XRCC6: variants seen among roughly 807,000 people sequenced by gnomAD.
XRCC6 encodes the protein X-ray repair cross complementing 6.
Under a neutral mutation model 65.7 loss-of-function variants are expected in XRCC6, and 5 were observed. The observed-to-expected ratio is 0.08, with a 90% CI of 0.04 to 0.16. The LOEUF (loss-of-function observed/expected upper bound fraction) is 0.16, where lower values mean the gene tolerates loss of function less well. Among genes scored for constraint, XRCC6 ranks in the 10% least tolerant of loss-of-function variants. The pLI is 1.00. For missense variants in XRCC6, 447 were observed against 738.1 expected, an observed-to-expected ratio of 0.61 and a Z score of 4.57; for synonymous variants, 270 against 270.6, an observed-to-expected ratio of 1.00 and a Z score of 0.02.
chr22:41,645,735 C>T (rs1245002054), intron 6 of XRCC6, among the ~76,000 whole-genome samples: 23 of 144,014 alleles, frequency 1.6e-4, no homozygotes, highest in Non-Finnish European at 2.8e-4. Context: ...CTCGCTCTGT[C>T]GCTAGGCTGG....
chr22:41,653,623 T>G lies in XRCC6; in HGVS notation c.1224T>G (p.Pro408=), dbSNP rs770161408. ...CRYTPRRNIP[P]YFVALVPQEE... ...ACACACCCCGCAGGAACATCCCTCCTTATTTTGTGGCTTTGGTGCCACAGG... is the reference window on the plus strand; with the variant it reads ...ACACACCCCGCAGGAACATCCCTCCGTATTTTGTGGCTTTGGTGCCACAGG... Residue 408 remains proline (P), a synonymous_variant, in exon 9 of 13, where the codon CCT becomes CCG. Transcript: ENST00000360079. 1.9e-5 allele frequency: 30 copies of G among 1,613,972 alleles called. No individual in the cohort carries two copies. Among genetic ancestry groups the G allele is most frequent in the Non-Finnish European group, 2.5e-5 (29 of 1,180,006 alleles).
chr22:41,636,849 G>A, intron 5 of XRCC6, 79 bp downstream of exon 5: 1 of 1,507,374 alleles, frequency 6.6e-7, no homozygotes, highest in South Asian at 1.4e-5. Context: ...GAGTTCAGGA[G>A]TCTTGGCTCA....
intron 2 of XRCC6, among the ~76,000 whole-genome samples, chr22:41,626,049 A>G (rs1376442359): frequency 6.6e-6 from 1 of 151,886 alleles, no homozygotes; most frequent in Non-Finnish European, 1.5e-5. Context: ...CATGTTGTCC[A>G]GGATGGTCTC....
intron 2 of XRCC6, among the ~76,000 whole-genome samples, chr22:41,625,789 A>G (rs2067663211): frequency 6.6e-6 from 1 of 152,212 alleles, no homozygotes; most frequent in African/African-American, 2.4e-5. Flanking sequence ...TGATTGCGCC[A>G]CTGCATTCCA....
intron 3 of XRCC6, among the ~76,000 whole-genome samples, chr22:41,635,524 T>C (rs899725392): frequency 2.6e-5 from 4 of 152,088 alleles, no homozygotes; most frequent in African/African-American, 7.2e-5. Context: ...CATAGCACAA[T>C]TTCCTCCCTC....
At chr22:41,644,988 C>A (rs562546130) in intron 6 of XRCC6, among the ~76,000 whole-genome samples, 48 of 152,082 alleles carry the variant, frequency 3.2e-4, no homozygotes, top group African/African-American at 1.1e-3. Flanking sequence ...TAATAAGGTT[C>A]TTGAGTGGCA....
At chr22:41,647,734 G>A (rs185577156) in intron 7 of XRCC6, among the ~76,000 whole-genome samples, 200 of 151,956 alleles carry the variant, frequency 1.3e-3, no homozygotes, top group African/African-American at 4.6e-3. Flanking sequence ...TTTTTGTTTC[G>A]TTTTGTTTTG....
At chr22:41,638,513 G>A (rs937087554) in intron 6 of XRCC6, among the ~76,000 whole-genome samples, 1 of 152,034 alleles carries the variant, frequency 6.6e-6, no homozygotes, top group Non-Finnish European at 1.5e-5. Flanking sequence ...GGCCAGACAC[G>A]GTGGCTCACG....
chr22:41,640,676 A>G (rs1020662993), intron 6 of XRCC6, among the ~76,000 whole-genome samples: 11 of 152,170 alleles, frequency 7.2e-5, no homozygotes, highest in Non-Finnish European at 1.5e-4. Flanking sequence ...TCATTGCCAC[A>G]GTTGTAGTTT....
intron 3 of XRCC6, among the ~76,000 whole-genome samples, chr22:41,635,086 A>T (rs78895780): frequency 0.012 from 1,832 of 152,300 alleles, 43 homozygotes; most frequent in African/African-American, 0.042. Flanking sequence ...CTCCCCGTGG[A>T]TTCCAAAATC....
At chr22:41,637,924 G>A in intron 6 of XRCC6, 133 bp downstream of exon 6, 7 of 796,884 alleles carry the variant, frequency 8.8e-6, no homozygotes, top group Non-Finnish European at 1.1e-5. Flanking sequence ...TAGGAGTTGA[G>A]ACCAGCTTGG....
chr22:41,629,756 G>A (rs914837460), intron 3 of XRCC6, among the ~76,000 whole-genome samples: 3 of 152,024 alleles, frequency 2.0e-5, no homozygotes, highest in Non-Finnish European at 2.9e-5. Flanking sequence ...TGCAAGCTCC[G>A]CCTCCCGGGT....
chr22:41,642,655 C>A (rs1194769595), intron 6 of XRCC6, among the ~76,000 whole-genome samples: 1 of 152,080 alleles, frequency 6.6e-6, no homozygotes, highest in Non-Finnish European at 1.5e-5. Context: ...CTGTAGATTG[C>A]TTTGGGTAGT....
chr22:41,635,949 C>G (rs132774), intron 3 of XRCC6, among the ~76,000 whole-genome samples, 164 bp from the exon 4 acceptor site: 105,233 of 152,060 alleles, frequency 0.69, 38,052 homozygotes, highest in East Asian at 0.92. Flanking sequence ...GATATTTATG[C>G]CCATTACTTT....
At chr22:41,631,650 A>G in intron 3 of XRCC6, among the ~76,000 whole-genome samples, 1 of 106,232 alleles carries the variant, frequency 9.4e-6, no homozygotes, top group Non-Finnish European at 1.9e-5. Flanking sequence ...CAGACTGGGC[A>G]GCCAGGCAGA....
intron 3 of XRCC6, among the ~76,000 whole-genome samples, chr22:41,630,429 ACCT>A (rs2067727501): frequency 6.7e-6 from 1 of 149,148 alleles, no homozygotes; most frequent in South Asian, 2.1e-4. Flanking sequence ...TGTATTAAAT[ACCT>A]CTTAATTGTT....
chr22:41,653,656 G>T lies in XRCC6; in HGVS notation c.1257G>T (p.Glu419Asp). The stretch of plus-strand genomic sequence containing the variant: ...TGGCTTTGGTGCCACAGGAAGAAGA[G>T]TTGGATGACCAGAAAATTCAGGTGA... ...YFVALVPQEE[E>D]LDDQKIQVTP... The change falls in exon 9 of 13, where the codon GAG becomes GAT. Residue 419 changes from glutamate (E) to aspartate (D), a missense_variant. Glu to Asp is a conservative substitution (Grantham distance 45, BLOSUM62 2). This residue lies in a region of XRCC6 where 201 missense variants were observed against 374.1 expected (regional missense o/e 0.54). Coordinates refer to ENST00000360079, the MANE Select transcript of XRCC6 (RefSeq NM_001469.5). The T allele has an allele frequency of 6.2e-7, 1 of 1,614,128 alleles. No individual in the cohort carries two copies. The highest frequency in any genetic ancestry group is 1.1e-5 in the South Asian group (1 of 91,082).
At position 41,649,156 on chromosome 22, in the gene XRCC6, A is replaced by G. The variant is rs183918514; in HGVS notation, c.961-1567A>G. On this transcript the variant is annotated intron_variant, in intron 7 of 12. Transcript: ENST00000360079. ...AAAAAAAAAATATATATATATATAT[A>G]TATATATGTATGTATGTGTGTGTGT... 3.9e-4 allele frequency among the ~76,000 whole-genome samples: 51 copies of G among 129,384 alleles called. 2 individuals are homozygous for G. The highest frequency in any genetic ancestry group is 1.6e-3 in the African/African-American group (45 of 28,980). The allele number at this position is 129,384 out of a possible 152,430, so 84.9% of individuals were successfully genotyped here. A position where few individuals can be genotyped will look rare whatever the true frequency, so the allele number is the denominator to read the frequency against.
At chr22:41,623,204 C>T (rs1387964537) in intron 2 of XRCC6, among the ~76,000 whole-genome samples, 1 of 151,732 alleles carries the variant, frequency 6.6e-6, no homozygotes, top group Non-Finnish European at 1.5e-5. Context: ...CTTCAGCTAC[C>T]TCAGTAGCTG....
Sources: gnomAD v4.1 joint callset for allele counts (sites outside exome capture counted in the v4.1 genomes callset) on GRCh38, gnomAD v4.1.1 for gene constraint, gnomAD v4.1.1 regional missense constraint, MANE v1.5 for transcripts, NCBI Gene and HGNC (gene_info 2026-07-23, HGNC 2026-07-21) for gene names.